Variants in ST8SIA6 observed in about 807,000 individuals in gnomAD.
The protein encoded by ST8SIA6 is alpha-2,8-sialyltransferase 8F.
A neutral mutation model predicts 33.6 loss-of-function variants in ST8SIA6; 39 were observed. That is an observed-to-expected ratio of 1.16 (90% CI 0.90 to 1.52). ST8SIA6 has a LOEUF of 1.52. Ranked by LOEUF, ST8SIA6 falls within the 40% of genes most tolerant of loss-of-function variation. The pLI, the probability that ST8SIA6 is intolerant of heterozygous loss-of-function variation, is 0.00. For missense variants in ST8SIA6, 441 were observed against 443.8 expected (o/e 0.99, Z 0.06); for synonymous variants, 172 against 167.2 (o/e 1.03, Z -0.22).
chr10:17,393,194 G>A (rs1232666676), intron 2 of ST8SIA6, among the ~76,000 whole-genome samples: 2 of 152,168 alleles, frequency 1.3e-5, no homozygotes, highest in African/African-American at 4.8e-5. Context: ...TTGGCCCCAT[G>A]GTTTCCATCA....
At chr10:17,357,415 C>T (rs1033391976) in intron 4 of ST8SIA6, among the ~76,000 whole-genome samples, 6 of 151,926 alleles carry the variant, frequency 3.9e-5, no homozygotes, top group Non-Finnish European at 5.9e-5. Flanking sequence ...GGATTACAGG[C>T]GTGAGCCATA....
Position 17,320,783 on chromosome 10 carries a change from C to G in ST8SIA6, c.*95G>C. ...TCAAACCAAATTTTGGGGCTCATCT[C>G]AAAATACTCTTTAGCCACCTCCTTT... On this transcript the variant is annotated 3_prime_UTR_variant, in exon 8 of 8. Coordinates refer to ENST00000377602, the MANE Select transcript of ST8SIA6 (RefSeq NM_001004470.3). 2 of 1,378,362 alleles carry G rather than the reference C, an allele frequency of 1.5e-6. No homozygotes were observed. The highest frequency in any genetic ancestry group is 2.0e-6 in the Non-Finnish European group (2 of 1,005,174). The allele number at this position is 1,378,362 out of a possible 1,614,324, so 85.4% of individuals were successfully genotyped here.
At chr10:17,374,933 C>T (rs1029537678) in intron 3 of ST8SIA6, among the ~76,000 whole-genome samples, 11 of 150,284 alleles carry the variant, frequency 7.3e-5, no homozygotes, top group Admixed American at 2.0e-4. Context: ...TCTTTTTTTC[C>T]AGTTTCATAT....
chr10:17,326,129 C>A (rs964763304), intron 6 of ST8SIA6, among the ~76,000 whole-genome samples: 1 of 152,194 alleles, frequency 6.6e-6, no homozygotes, highest in African/African-American at 2.4e-5. Flanking sequence ...TCATCATTAC[C>A]TGCAGCACAA....
chr10:17,374,864 A>G (rs76474626), intron 3 of ST8SIA6, among the ~76,000 whole-genome samples: 27,450 of 151,394 alleles, frequency 0.18, 2,642 homozygotes, highest in South Asian at 0.22. Flanking sequence ...CTAAGAATGT[A>G]GTGTGTTGGT....
At position 17,321,243 on chromosome 10, in the gene ST8SIA6, C is replaced by A. The variant is rs998589027; in HGVS notation, c.832G>T (p.Gly278Cys). The change falls in exon 8 of 8, where the codon GGT becomes TGT. Residue 278 changes from glycine to cysteine, a missense_variant. Physicochemically the swap from Gly to Cys is radical, Grantham distance 159. Transcript: ENST00000377602. ...LPAFSFRANT[G>C]TSFKVYYTLE... Reference sequence around the variant, plus strand: ...GTGTAGTATACTTTGAAAGAGGTACCCGTGTTGGCCCTGAAGGAAAATGCT... The same window carrying A: ...GTGTAGTATACTTTGAAAGAGGTACACGTGTTGGCCCTGAAGGAAAATGCT... 1.9e-6 allele frequency: 3 copies of A among 1,613,794 alleles called. No individual in the cohort carries two copies. The highest frequency in any genetic ancestry group is 3.3e-5 in the Admixed American group (2 of 59,954).
At chr10:17,377,873 G>A (rs28715968) in intron 3 of ST8SIA6, among the ~76,000 whole-genome samples, 27,536 of 152,096 alleles carry the variant, frequency 0.18, 2,640 homozygotes, top group South Asian at 0.22. Flanking sequence ...GGCTTTCCCC[G>A]TTGTGCTCCC....
chr10:17,372,301 A>G (rs142548054), intron 3 of ST8SIA6, among the ~76,000 whole-genome samples: 1 of 152,328 alleles, frequency 6.6e-6, no homozygotes, highest in Non-Finnish European at 1.5e-5. Flanking sequence ...GTGTGTTACT[A>G]TTTTGGAGCT....
chr10:17,447,004 C>T (rs910766386), intron 2 of ST8SIA6, among the ~76,000 whole-genome samples: 2 of 142,910 alleles, frequency 1.4e-5, no homozygotes, highest in South Asian at 2.2e-4. Flanking sequence ...GCCAAGATAG[C>T]GCCATTACCG....
At chr10:17,376,046 A>G (rs1056042835) in intron 3 of ST8SIA6, among the ~76,000 whole-genome samples, 2 of 152,130 alleles carry the variant, frequency 1.3e-5, no homozygotes, top group African/African-American at 4.8e-5. Context: ...CAGACACTCC[A>G]TTCCCAAACA....
chr10:17,445,834 C>A (rs533757878), intron 2 of ST8SIA6, among the ~76,000 whole-genome samples: 78 of 152,088 alleles, frequency 5.1e-4, no homozygotes, highest in Non-Finnish European at 1.0e-3. Context: ...GCCTGGTGGA[C>A]CCAGCCCTCC....
At chr10:17,428,433 A>G (rs117566809) in intron 2 of ST8SIA6, among the ~76,000 whole-genome samples, 17 of 152,264 alleles carry the variant, frequency 1.1e-4, no homozygotes, top group Non-Finnish European at 1.6e-4. Flanking sequence ...TACAAAAATG[A>G]TGGGTAGTCC....
intron 4 of ST8SIA6, among the ~76,000 whole-genome samples, chr10:17,341,916 A>AAAC (rs1848690139): frequency 2.7e-5 from 4 of 150,818 alleles, no homozygotes; most frequent in African/African-American, 7.3e-5. Context: ...AAAAAAAAAA[A>AAAC]AAAAACAAAA....
chr10:17,439,963 C>T (rs1019937155), intron 2 of ST8SIA6, among the ~76,000 whole-genome samples: 4 of 152,166 alleles, frequency 2.6e-5, no homozygotes, highest in African/African-American at 9.7e-5. Context: ...GTGGATCTTC[C>T]AACGAGGAAA....
At chr10:17,356,769 T>A (rs186990023) in intron 4 of ST8SIA6, among the ~76,000 whole-genome samples, 37 of 151,308 alleles carry the variant, frequency 2.4e-4, no homozygotes, top group East Asian at 9.7e-4. Flanking sequence ...CATTTTTTTT[T>A]AATGTGAAAA....
chr10:17,354,691 A>G (rs1165251914), intron 4 of ST8SIA6, among the ~76,000 whole-genome samples: 1 of 152,176 alleles, frequency 6.6e-6, no homozygotes. Flanking sequence ...TAACCATGCC[A>G]TCTTGGAAGG....
In ST8SIA6 at chr10:17,361,092, A is replaced by G. The variant is rs529769689; in HGVS notation, c.291-1492T>C. ...TCATTAAAACAAAGTTAGAAGGGCT[A>G]TATTCATAGTGTATTTCTGAGCAAG... On this transcript the variant is annotated intron_variant, in intron 3 of 7. Coordinates refer to ENST00000377602, the MANE Select transcript of ST8SIA6 (RefSeq NM_001004470.3). Among the ~76,000 whole-genome samples the G allele has an allele frequency of 3.9e-5, 6 of 152,236 alleles. No homozygotes were observed. In the South Asian group the frequency reaches 1.2e-3, roughly 32 times the overall value.
chr10:17,404,054 G>A (rs1164886809), intron 2 of ST8SIA6, among the ~76,000 whole-genome samples: 3 of 116,726 alleles, frequency 2.6e-5, no homozygotes, highest in African/African-American at 1.0e-4. Flanking sequence ...GACAGAGGAA[G>A]ACACTGTCTC....
At chr10:17,329,749 A>G (rs1447635534) in intron 5 of ST8SIA6, among the ~76,000 whole-genome samples, 1 of 152,216 alleles carries the variant, frequency 6.6e-6, no homozygotes, top group Non-Finnish European at 1.5e-5. Context: ...TTAGTATCTC[A>G]TGTTCAGTAT....
Sources: gnomAD v4.1 joint callset for allele counts (sites outside exome capture counted in the v4.1 genomes callset) on GRCh38, gnomAD v4.1.1 for gene constraint, MANE v1.5 for transcripts, NCBI Gene and HGNC (gene_info 2026-07-23, HGNC 2026-07-21) for gene names.